SEMA6D: variants seen among roughly 807,000 people sequenced by gnomAD.
SEMA6D encodes the protein semaphorin 6D, also known as semaphorin-6D.
In SEMA6D, 35 loss-of-function variants were observed where a neutral mutation model predicts 106.6. The observed-to-expected ratio is 0.33, with a 90% CI of 0.25 to 0.44. SEMA6D has a LOEUF of 0.44. Ranked by LOEUF, SEMA6D falls within the 20% of genes least tolerant of loss-of-function variation. The pLI, the probability that SEMA6D is intolerant of heterozygous loss-of-function variation, is 1.00. For missense variants in SEMA6D, 1,185 were observed against 1,345.9 expected (o/e 0.88, Z 1.87); for synonymous variants, 499 against 487.7 (o/e 1.02, Z -0.31).
chr15:47,343,005 G>A (rs568901761), intron 1 of SEMA6D, among the ~76,000 whole-genome samples: 4 of 152,204 alleles, frequency 2.6e-5, no homozygotes, highest in South Asian at 4.1e-4. Context: ...GAGCCACTGC[G>A]CCCAGCCCTC....
chr15:47,193,516 A>C (rs144910338), intron 1 of SEMA6D, among the ~76,000 whole-genome samples: 114 of 152,294 alleles, frequency 7.5e-4, no homozygotes, highest in Middle Eastern at 3.4e-3. Context: ...GCTGTTTGTC[A>C]AGGCCGAAAT....
intron 4 of SEMA6D, among the ~76,000 whole-genome samples, chr15:47,690,993 A>C: frequency 6.6e-6 from 1 of 152,090 alleles, no homozygotes; most frequent in South Asian, 2.1e-4. Context: ...CTGGCTAGTT[A>C]TTTTTTAGAA....
chr15:47,299,336 G>A (rs1019201155), intron 1 of SEMA6D, among the ~76,000 whole-genome samples: 2 of 152,140 alleles, frequency 1.3e-5, no homozygotes, highest in Non-Finnish European at 2.9e-5. Flanking sequence ...AGGAACCTCC[G>A]ACCTACTTTA....
intron 3 of SEMA6D, among the ~76,000 whole-genome samples, chr15:47,510,086 A>G (rs931165911): frequency 1.3e-5 from 2 of 152,096 alleles, no homozygotes; most frequent in African/African-American, 2.4e-5. Flanking sequence ...AGAGTCTCCA[A>G]CCCCTGGGCC....
intron 1 of SEMA6D, among the ~76,000 whole-genome samples, chr15:47,736,212 T>G (rs368782737): frequency 1.3e-5 from 2 of 152,308 alleles, no homozygotes; most frequent in East Asian, 3.9e-4. Flanking sequence ...TGAGGGAGTT[T>G]ACATTTTAGC....
intron 3 of SEMA6D, among the ~76,000 whole-genome samples, chr15:47,532,853 G>C (rs922150372): frequency 6.6e-6 from 1 of 152,078 alleles, no homozygotes; most frequent in African/African-American, 2.4e-5. Context: ...TAAATTTCAG[G>C]GTGACCTCAT....
chr15:47,629,935 TTATC>T (rs2077264944), intron 4 of SEMA6D, among the ~76,000 whole-genome samples: 1 of 152,034 alleles, frequency 6.6e-6, no homozygotes, highest in African/African-American at 2.4e-5. Flanking sequence ...CACATTTTCT[TTATC>T]CATTCATTAA....
At chr15:47,193,860 TC>T (rs2140982429) in intron 1 of SEMA6D, among the ~76,000 whole-genome samples, 1 of 152,232 alleles carries the variant, frequency 6.6e-6, no homozygotes, top group Non-Finnish European at 1.5e-5. Context: ...CACTCTTTAT[TC>T]CTTATTGTCT....
intron 3 of SEMA6D, among the ~76,000 whole-genome samples, chr15:47,501,265 A>G (rs758383900): frequency 2.0e-5 from 3 of 152,106 alleles, no homozygotes; most frequent in Non-Finnish European, 4.4e-5. Flanking sequence ...CAGAGGTGGA[A>G]TTTTCCCTTC....
Position 47,636,722 on chromosome 15 carries a change from C to T in SEMA6D, c.-55+35826C>T, listed in dbSNP as rs75778853. On this transcript the variant is annotated intron_variant, in intron 4 of 19. Coordinates refer to the SEMA6D transcript ENST00000558014. Reference sequence around the variant, plus strand: ...TCTCAGTCAGCACTGTCCTAGCGTCCAAGGGAAGAAGGCAGTATATTGGCT... The same window carrying T: ...TCTCAGTCAGCACTGTCCTAGCGTCTAAGGGAAGAAGGCAGTATATTGGCT... Among the ~76,000 whole-genome samples, 153 of 152,278 alleles carry T rather than the reference C, an allele frequency of 1.0e-3. 1 individual carries two copies. In the East Asian group the frequency reaches 0.022, roughly 22 times the overall value.
chr15:47,733,220 C>T (rs1053166132), intron 1 of SEMA6D, among the ~76,000 whole-genome samples: 2 of 152,112 alleles, frequency 1.3e-5, no homozygotes, highest in Non-Finnish European at 2.9e-5. Context: ...TAATGAAATA[C>T]ACTGCAAACT....
intron 1 of SEMA6D, among the ~76,000 whole-genome samples, chr15:47,741,762 G>T (rs2080833591): frequency 1.3e-5 from 2 of 152,110 alleles, no homozygotes; most frequent in Admixed American, 1.3e-4. Context: ...AGCAAGCAAA[G>T]TCTCTTCTGT....
intron 3 of SEMA6D, among the ~76,000 whole-genome samples, chr15:47,557,606 A>G (rs976844473): frequency 6.6e-6 from 1 of 152,168 alleles, no homozygotes; most frequent in African/African-American, 2.4e-5. Flanking sequence ...TACTCCCCTC[A>G]TGAAGCAGAA....
chr15:47,680,963 T>C (rs2078340343), intron 4 of SEMA6D, among the ~76,000 whole-genome samples: 1 of 152,152 alleles, frequency 6.6e-6, no homozygotes, highest in Non-Finnish European at 1.5e-5. Flanking sequence ...TTTAGGGAAA[T>C]TGAAACTCGT....
intron 1 of SEMA6D, among the ~76,000 whole-genome samples, chr15:47,327,935 T>C (rs2037196305): frequency 6.6e-6 from 1 of 152,234 alleles, no homozygotes; most frequent in African/African-American, 2.4e-5. Context: ...CTCAGCGTTA[T>C]ACCTATTATG....
intron 3 of SEMA6D, among the ~76,000 whole-genome samples, chr15:47,477,269 G>C (rs1393593875): frequency 6.6e-6 from 1 of 152,152 alleles, no homozygotes; most frequent in Non-Finnish European, 1.5e-5. Context: ...TAATAACCTG[G>C]ATAGAGTATG....
intron 3 of SEMA6D, among the ~76,000 whole-genome samples, chr15:47,518,332 T>G (rs1254323549): frequency 1.3e-5 from 2 of 152,238 alleles, no homozygotes; most frequent in African/African-American, 2.4e-5. Context: ...TTGTCTTATC[T>G]ATTTGCTAAA....
intron 2 of SEMA6D, among the ~76,000 whole-genome samples, chr15:47,424,721 G>A (rs956052780): frequency 2.0e-5 from 3 of 152,102 alleles, no homozygotes; most frequent in African/African-American, 4.8e-5. Flanking sequence ...AATTGTGGGG[G>A]CAAAGGGAAT....
intron 1 of SEMA6D, among the ~76,000 whole-genome samples, chr15:47,386,047 G>A (rs2039828043): frequency 1.3e-5 from 2 of 152,254 alleles, no homozygotes; most frequent in South Asian, 4.1e-4. Flanking sequence ...GTGTTTACAA[G>A]AATTAAATAT....
Sources: allele counts gnomAD v4.1 joint callset (sites outside exome capture counted in the v4.1 genomes callset), GRCh38; gene constraint gnomAD v4.1.1; transcripts MANE v1.5; gene names NCBI Gene and HGNC (gene_info 2026-07-23, HGNC 2026-07-21).